ARHGAP28: variants seen among roughly 807,000 people sequenced by gnomAD.
ARHGAP28 encodes the protein rho GTPase-activating protein 28.
A neutral mutation model predicts 90.7 loss-of-function variants in ARHGAP28; 56 were observed. The observed-to-expected ratio is 0.62, with a 90% CI of 0.50 to 0.77. The LOEUF (loss-of-function observed/expected upper bound fraction) is 0.77. Among genes scored for constraint, ARHGAP28 ranks in the 30% least tolerant of loss-of-function variants. ARHGAP28 has a pLI of 0.00. For missense variants in ARHGAP28, 869 were observed against 900.9 expected (o/e 0.96, Z 0.45); for synonymous variants, 308 against 323.3 (o/e 0.95, Z 0.51).
chr18:6,850,423 GTT>G (rs1600245300), intron 3 of ARHGAP28, among the ~76,000 whole-genome samples: 1 of 152,290 alleles, frequency 6.6e-6, no homozygotes, highest in East Asian at 1.9e-4. Context: ...ACAATTAGAG[GTT>G]TACTTTTCTT....
intron 3 of ARHGAP28, among the ~76,000 whole-genome samples, chr18:6,841,170 C>CTCTCTCTCTT (rs1555631461): frequency 1.5e-3 from 118 of 81,154 alleles, no homozygotes; most frequent in Middle Eastern, 6.0e-3. Flanking sequence ...TCTCTCTCCT[C>CTCTCTCTCTT]TCTCTCTCTC....
chr18:6,909,255 C>CTTTTCTTT (rs1319740393), intron 17 of ARHGAP28, among the ~76,000 whole-genome samples: 1 of 60,026 alleles, frequency 1.7e-5, no homozygotes, highest in African/African-American at 4.6e-5. Flanking sequence ...TGGGTCTTTT[C>CTTTTCTTT]TTTTCTTTTC....
chr18:6,840,342 CT>C (rs1460373892), intron 3 of ARHGAP28, among the ~76,000 whole-genome samples: 1 of 152,204 alleles, frequency 6.6e-6, no homozygotes, highest in African/African-American at 2.4e-5. Context: ...CATTTCTAGG[CT>C]TTTCCCAAAT....
chr18:6,805,479 C>CA (rs2056511220), intron 1 of ARHGAP28, among the ~76,000 whole-genome samples: 2 of 97,528 alleles, frequency 2.1e-5, no homozygotes, highest in African/African-American at 8.8e-5. Flanking sequence ...TAACCTTTGC[C>CA]TTTTTTTTTT....
At chr18:6,850,654 A>G in intron 3 of ARHGAP28, 2 of 634,270 alleles carry the variant, frequency 3.2e-6, no homozygotes, top group Non-Finnish European at 5.2e-6. Context: ...CAGACACTCC[A>G]CCAAGTAGAA....
intron 1 of ARHGAP28, among the ~76,000 whole-genome samples, chr18:6,811,897 CT>C (rs1480323293): frequency 2.0e-5 from 3 of 152,088 alleles, no homozygotes; most frequent in Non-Finnish European, 2.9e-5. Context: ...ATTAATAAAA[CT>C]TTTTTTCTCA....
chr18:6,911,819 CAT>C (rs891807532), intron 17 of ARHGAP28, among the ~76,000 whole-genome samples: 13 of 151,546 alleles, frequency 8.6e-5, no homozygotes, highest in African/African-American at 2.4e-4. Context: ...CAAAATTTCA[CAT>C]GAGATTTGTT....
intron 4 of ARHGAP28, among the ~76,000 whole-genome samples, chr18:6,855,614 C>A (rs146124305): frequency 6.6e-6 from 1 of 152,330 alleles, no homozygotes; most frequent in East Asian, 1.9e-4. Context: ...AGAGCTGTAA[C>A]ATAAACAGGG....
intron 16 of ARHGAP28, among the ~76,000 whole-genome samples, chr18:6,908,040 C>T (rs1002597873): frequency 6.6e-5 from 10 of 152,194 alleles, no homozygotes; most frequent in Non-Finnish European, 1.5e-4. Context: ...TCTAACCCAG[C>T]ATTCTAGTCT....
At chr18:6,745,787 C>G (rs116393619) in intron 1 of ARHGAP28, among the ~76,000 whole-genome samples, 1,894 of 152,242 alleles carry the variant, frequency 0.012, 38 homozygotes, top group African/African-American at 0.043. Context: ...TTCATAGAAG[C>G]CTGAAAGTGC....
intron 1 of ARHGAP28, among the ~76,000 whole-genome samples, chr18:6,777,725 A>AATGC (rs148089122): frequency 0.013 from 1,901 of 149,392 alleles, 44 homozygotes; most frequent in African/African-American, 0.044. Context: ...ACCCTGTCTC[A>AATGC]ATGAATGAAT....
chr18:6,772,941 A>G (rs1294202678), intron 1 of ARHGAP28, among the ~76,000 whole-genome samples: 1 of 151,870 alleles, frequency 6.6e-6, no homozygotes. Context: ...GGTTTTCACC[A>G]TGTTGGCCAG....
At chr18:6,869,971 G>T (rs936395882) in intron 6 of ARHGAP28, among the ~76,000 whole-genome samples, 3 of 151,974 alleles carry the variant, frequency 2.0e-5, no homozygotes, top group Non-Finnish European at 4.4e-5. Flanking sequence ...CATTTTTAAG[G>T]GGTACTACAT....
intron 1 of ARHGAP28, among the ~76,000 whole-genome samples, chr18:6,815,232 C>T (rs750422229): frequency 1.3e-5 from 2 of 152,168 alleles, no homozygotes; most frequent in Admixed American, 6.5e-5. Flanking sequence ...CCTGTCATTA[C>T]GTGGATGATT....
chr18:6,813,575 A>T (rs764961381), intron 1 of ARHGAP28, among the ~76,000 whole-genome samples: 11 of 152,186 alleles, frequency 7.2e-5, no homozygotes, highest in Non-Finnish European at 1.2e-4. Context: ...ACTCAATTTG[A>T]TAACTTATTT....
intron 1 of ARHGAP28, among the ~76,000 whole-genome samples, chr18:6,734,346 A>G (rs1196443069): frequency 2.0e-5 from 3 of 152,166 alleles, no homozygotes; most frequent in Non-Finnish European, 4.4e-5. Context: ...TTGTGAAGGT[A>G]TAGTAGAAAA....
chr18:6,788,326 A>G (rs1477028728), intron 1 of ARHGAP28, among the ~76,000 whole-genome samples: 2 of 152,160 alleles, frequency 1.3e-5, no homozygotes, highest in African/African-American at 4.8e-5. Context: ...AGGCCTCCCC[A>G]GAAGCCGAGC....
At chr18:6,795,636 CTGTGTTTCCA>C (rs1376374704) in intron 1 of ARHGAP28, among the ~76,000 whole-genome samples, 1 of 152,174 alleles carries the variant, frequency 6.6e-6, no homozygotes, top group East Asian at 1.9e-4. Context: ...GTCACTGTGG[CTGTGTTTCCA>C]GAAACACAGC....
intron 1 of ARHGAP28, among the ~76,000 whole-genome samples, chr18:6,762,980 G>C (rs962089208): frequency 3.3e-5 from 5 of 152,184 alleles, no homozygotes; most frequent in Admixed American, 3.3e-4. Flanking sequence ...GGCCAGGCCA[G>C]GTGCCCTCTG....
Sources: allele counts gnomAD v4.1 joint callset (sites outside exome capture counted in the v4.1 genomes callset), GRCh38; gene constraint gnomAD v4.1.1; transcripts MANE v1.5; gene names NCBI Gene and HGNC (gene_info 2026-07-23, HGNC 2026-07-21).